Variants in ZNF704 observed in about 807,000 individuals in gnomAD.
The protein encoded by ZNF704 is glucocorticoid induced gene 1.
ZNF704 carries 10 observed loss-of-function variants against 44.7 expected under a neutral mutation model. The observed-to-expected ratio is 0.22, with a 90% CI of 0.14 to 0.38. ZNF704 has a LOEUF of 0.38. Among genes scored for constraint, ZNF704 ranks in the 10% least tolerant of loss-of-function variants. The pLI, the probability that ZNF704 is intolerant of heterozygous loss-of-function variation, is 1.00. For missense variants in ZNF704, 390 were observed against 545.5 expected, an observed-to-expected ratio of 0.71 and a Z score of 2.84; for synonymous variants, 211 against 207.6, an observed-to-expected ratio of 1.02 and a Z score of -0.14.
At chr8:80,787,400 A>G (rs1416738624) in intron 2 of ZNF704, among the ~76,000 whole-genome samples, 1 of 152,218 alleles carries the variant, frequency 6.6e-6, no homozygotes, top group African/African-American at 2.4e-5. Context: ...GTTCTTACTC[A>G]GAAAAGCAAT....
At chr8:80,791,712 G>GA (rs143031008) in intron 2 of ZNF704, among the ~76,000 whole-genome samples, 53 of 149,570 alleles carry the variant, frequency 3.5e-4, no homozygotes, top group African/African-American at 4.2e-4. Context: ...TATCTGGGCT[G>GA]AAAAAAAAAA....
At chr8:80,787,794 G>GC (rs1563553461) in intron 2 of ZNF704, among the ~76,000 whole-genome samples, 1 of 152,018 alleles carries the variant, frequency 6.6e-6, no homozygotes. Context: ...AATTTAAAAT[G>GC]CCCCAAAAGC....
intron 6 of ZNF704, among the ~76,000 whole-genome samples, chr8:80,660,100 C>T (rs1024197241): frequency 6.6e-6 from 1 of 152,186 alleles, no homozygotes; most frequent in Non-Finnish European, 1.5e-5. Context: ...TTAGCATTCT[C>T]TGTGTTAGCT....
intron 4 of ZNF704, among the ~76,000 whole-genome samples, chr8:80,676,299 G>A (rs1298065975): frequency 3.3e-5 from 5 of 152,206 alleles, no homozygotes; most frequent in Non-Finnish European, 7.3e-5. Flanking sequence ...ATACTAAGGT[G>A]CGTTTCTATG....
intron 2 of ZNF704, among the ~76,000 whole-genome samples, chr8:80,766,195 C>T (rs1345647776): frequency 1.3e-5 from 2 of 152,080 alleles, no homozygotes; most frequent in Non-Finnish European, 2.9e-5. Context: ...AGGGTAGGCA[C>T]CTCATCCAAA....
chr8:80,769,741 T>G (rs1037085880), intron 2 of ZNF704, among the ~76,000 whole-genome samples: 4 of 152,200 alleles, frequency 2.6e-5, no homozygotes, highest in Admixed American at 2.0e-4. Context: ...CCACATTTTC[T>G]GTCTTCTTCC....
intron 2 of ZNF704, among the ~76,000 whole-genome samples, chr8:80,798,051 CTCT>C (rs895908052): frequency 2.0e-5 from 3 of 151,842 alleles, no homozygotes; most frequent in African/African-American, 7.3e-5. Flanking sequence ...TCTTTTTTTG[CTCT>C]TTTTTTCATT....
rs898409582 is a variant in ZNF704 at position 80,638,615 on chromosome 8, G to C, written c.*2751C>G. The C allele has an allele frequency of 6.6e-6, 1 of 152,190 alleles. No individual in the cohort carries two copies. The highest frequency in any genetic ancestry group is 2.4e-5 in the African/African-American group (1 of 41,340). 9.4% of individuals were successfully genotyped at this position (152,190 alleles called of 1,614,324 possible). A position where few individuals can be genotyped will look rare whatever the true frequency, so the allele number is the denominator to read the frequency against. On this transcript the variant is annotated 3_prime_UTR_variant, in exon 9 of 9. Transcript: ENST00000327835. ...AAAAAAAAAAAACCCTAACTTGCAC[G>C]ATCAGTGGTGTATATTGGAATTCAT... is the stretch of plus-strand genomic sequence containing the variant.
chr8:80,744,955 A>G (rs1806820493), intron 2 of ZNF704, among the ~76,000 whole-genome samples: 1 of 152,176 alleles, frequency 6.6e-6, no homozygotes, highest in Non-Finnish European at 1.5e-5. Context: ...AACAAACAGA[A>G]ATGACACTTG....
intron 1 of ZNF704, among the ~76,000 whole-genome samples, chr8:80,839,038 C>T (rs1808632733): frequency 1.3e-5 from 2 of 152,240 alleles, no homozygotes; most frequent in South Asian, 2.1e-4. Flanking sequence ...CTTCGGCTGT[C>T]TCTGGGCTTT....
At chr8:80,852,665 T>C (rs1808885526) in intron 1 of ZNF704, among the ~76,000 whole-genome samples, 2 of 152,208 alleles carry the variant, frequency 1.3e-5, no homozygotes, top group South Asian at 4.1e-4. Flanking sequence ...CGTAGGACAT[T>C]GTCTGGTAGT....
In ZNF704 at chr8:80,637,040, A is replaced by ACCCCCACCCCGTCCCCCT. The variant is rs1817674305; in HGVS notation, c.*4308_*4325dup. The ACCCCCACCCCGTCCCCCT allele has an allele frequency of 6.8e-6, 1 of 147,260 alleles. No homozygotes were observed. 9.1% of individuals were successfully genotyped at this position (147,260 alleles called of 1,614,324 possible). On this transcript the variant is annotated 3_prime_UTR_variant, in exon 9 of 9. Coordinates refer to ENST00000327835, the MANE Select transcript of ZNF704 (RefSeq NM_001033723.3). ...AGCCTTACGTGAGTCTAGGAATACC[A>ACCCCCACCCCGTCCCCCT]CCCCCACCCCGTCCCCCTCCCCCAC... is the stretch of plus-strand genomic sequence containing the variant.
intron 2 of ZNF704, among the ~76,000 whole-genome samples, chr8:80,748,722 T>G (rs1282365217): frequency 6.6e-6 from 1 of 151,964 alleles, no homozygotes; most frequent in Non-Finnish European, 1.5e-5. Flanking sequence ...ACAGAAAGAT[T>G]GGTGAGGGGA....
rs748522443 is a variant in ZNF704 at position 80,811,427 on chromosome 8, GGTATTCA to G, written c.221+9940_221+9946del. Among the ~76,000 whole-genome samples the G allele has an allele frequency of 9.3e-4, 141 of 151,796 alleles. 2 individuals are homozygous for G. Among genetic ancestry groups the G allele is most frequent in the Admixed American group, 5.3e-4 (8 of 15,230 alleles). Reference sequence around the variant, plus strand: ...TACCTTTTTTTTTGGTGACTAGAATGGTATTCAGTTGACAAAACAATTATTTCATATA... The same window carrying G: ...TACCTTTTTTTTTGGTGACTAGAATGGTTGACAAAACAATTATTTCATATA... On this transcript the variant is annotated intron_variant, in intron 2 of 8. Transcript: ENST00000327835.
intron 4 of ZNF704, among the ~76,000 whole-genome samples, chr8:80,679,010 C>G (rs550178937): frequency 6.6e-6 from 1 of 152,126 alleles, no homozygotes; most frequent in Admixed American, 6.5e-5. Context: ...AAAAGTTACC[C>G]TATCTGTTGG....
At chr8:80,679,340 T>C (rs73691995) in intron 4 of ZNF704, among the ~76,000 whole-genome samples, 15,588 of 152,174 alleles carry the variant, frequency 0.1, 2,715 homozygotes, top group African/African-American at 0.35. Context: ...AACAGACTAG[T>C]TGCTGTTACA....
At chr8:80,777,881 CA>C (rs1310505808) in intron 2 of ZNF704, among the ~76,000 whole-genome samples, 475 of 91,346 alleles carry the variant, frequency 5.2e-3, no homozygotes, top group African/African-American at 4.3e-3. Context: ...TGCGACTCAA[CA>C]AAAAAAAAAA....
chr8:80,856,564 T>C (rs1808965385), intron 1 of ZNF704, among the ~76,000 whole-genome samples: 1 of 152,202 alleles, frequency 6.6e-6, no homozygotes, highest in African/African-American at 2.4e-5. Flanking sequence ...GTAGAGGTAA[T>C]TGAGGGTTTG....
At chr8:80,672,562 A>G (rs1041589312) in intron 4 of ZNF704, among the ~76,000 whole-genome samples, 1 of 152,236 alleles carries the variant, frequency 6.6e-6, no homozygotes, top group African/African-American at 2.4e-5. Flanking sequence ...CACATACATC[A>G]TGGAGTACTA....
Sources: allele counts gnomAD v4.1 joint callset (sites outside exome capture counted in the v4.1 genomes callset), GRCh38; gene constraint gnomAD v4.1.1; transcripts MANE v1.5; gene names NCBI Gene and HGNC (gene_info 2026-07-23, HGNC 2026-07-21).